ETV1: variants seen among roughly 807,000 people sequenced by gnomAD.
The protein encoded by ETV1 is ETS variant transcription factor 1.
A neutral mutation model predicts 62.3 loss-of-function variants in ETV1; 27 were observed. The ratio of observed to expected loss-of-function variants is 0.43; its 90% confidence interval spans 0.32 to 0.60. The LOEUF (loss-of-function observed/expected upper bound fraction) is 0.60. ETV1 is among the 20% of genes least tolerant of loss of function. The pLI is 0.06. For synonymous variants in ETV1, 222 were observed against 199.6 expected, an observed-to-expected ratio of 1.11 and a Z score of -0.94; for missense variants, 605 against 605.8, an observed-to-expected ratio of 1.00 and a Z score of 0.01.
chr7:13,948,826 G>A (rs542526931), intron 6 of ETV1, among the ~76,000 whole-genome samples: 2 of 152,306 alleles, frequency 1.3e-5, no homozygotes, highest in South Asian at 4.1e-4. Context: ...TAGTGACAGA[G>A]ACAGCTCAAC....
At chr7:13,953,644 A>G (rs1325904498) in intron 6 of ETV1, among the ~76,000 whole-genome samples, 1 of 150,458 alleles carries the variant, frequency 6.6e-6, no homozygotes, top group East Asian at 1.9e-4. Flanking sequence ...GTGACTATGA[A>G]GACAGGTTCT....
At chr7:13,900,141 C>T (rs1174515140) in intron 13 of ETV1, among the ~76,000 whole-genome samples, 1 of 152,098 alleles carries the variant, frequency 6.6e-6, no homozygotes, top group East Asian at 1.9e-4. Context: ...AACAAACAAA[C>T]AAACAAAAAG....
intron 8 of ETV1, among the ~76,000 whole-genome samples, chr7:13,935,231 G>A (rs574255103): frequency 1.3e-5 from 2 of 152,100 alleles, no homozygotes; most frequent in Admixed American, 1.3e-4. Flanking sequence ...TTAATCACCT[G>A]GAAAAGATGG....
intron 8 of ETV1, among the ~76,000 whole-genome samples, chr7:13,933,246 C>A (rs1786397791): frequency 6.6e-6 from 1 of 152,146 alleles, no homozygotes; most frequent in African/African-American, 2.4e-5. Context: ...TACGAGTCGA[C>A]CTGATTCCAG....
At position 13,939,134 on chromosome 7, in the gene ETV1, C is replaced by T; in HGVS notation, c.348G>A (p.Lys116=). Reference sequence around the variant, plus strand: ...GGCTTTACCTGACATTGTACAGGCACTTTTCTCCATAGCTGAATTTAAAGG... The same window carrying T: ...GGCTTTACCTGACATTGTACAGGCATTTTTCTCCATAGCTGAATTTAAAGG... ...EQPFKFSYGE[K]CLYNVSAYDQ... is the part of the protein sequence containing the mutation. Residue 116 remains lysine (K), a synonymous_variant, in exon 7 of 14, where the codon AAG becomes AAA. Transcript: ENST00000430479. 1 of 1,613,130 alleles carries T rather than the reference C, an allele frequency of 6.2e-7. No individual in the cohort carries two copies. The highest frequency in any genetic ancestry group is 1.1e-5 in the South Asian group (1 of 90,898).
intron 8 of ETV1, among the ~76,000 whole-genome samples, chr7:13,934,109 T>C (rs79412876): frequency 1.4e-3 from 216 of 152,312 alleles, no homozygotes; most frequent in Non-Finnish European, 2.5e-3. Flanking sequence ...CTCTGCACAA[T>C]GTCCATCTGT....
At chr7:13,910,302 A>G (rs1300570827) in intron 10 of ETV1, among the ~76,000 whole-genome samples, 1 of 149,740 alleles carries the variant, frequency 6.7e-6, no homozygotes, top group Non-Finnish European at 1.5e-5. Flanking sequence ...GCTTTTCATA[A>G]TAATGTCCTC....
At chr7:13,924,457 T>G (rs1785192063) in intron 9 of ETV1, among the ~76,000 whole-genome samples, 1 of 152,200 alleles carries the variant, frequency 6.6e-6, no homozygotes, top group South Asian at 2.1e-4. Context: ...TCTTCATAAT[T>G]TATATCGTTG....
chr7:13,987,514 CA>C (rs1201828014), intron 4 of ETV1, among the ~76,000 whole-genome samples: 1 of 152,082 alleles, frequency 6.6e-6, no homozygotes, highest in Non-Finnish European at 1.5e-5. Context: ...ACTAATTTCC[CA>C]AATAGTATTA....
Position 13,903,554 on chromosome 7 carries a change from G to A in ETV1, c.1111-2715C>T, listed in dbSNP as rs185777999. 5.6e-3 allele frequency among the ~76,000 whole-genome samples: 844 copies of A among 152,026 alleles called. 10 individuals are homozygous for A. Among genetic ancestry groups the A allele is most frequent in the African/African-American group, 0.019 (802 of 41,476 alleles). On this transcript the variant is annotated intron_variant, in intron 12 of 13. Transcript: ENST00000430479. ...GAGGTGGGCAGATCACCTGAGGTCA[G>A]GAGTTCAAGACCACCCTGGCCAACA...
intron 6 of ETV1, among the ~76,000 whole-genome samples, chr7:13,951,935 A>G (rs1015583039): frequency 6.6e-6 from 1 of 152,130 alleles, no homozygotes; most frequent in Non-Finnish European, 1.5e-5. Flanking sequence ...AGACTCAAGG[A>G]TGTACACTGA....
In ETV1 at chr7:13,931,490, G is replaced by A; in HGVS notation, c.802+12C>T. On this transcript the variant is annotated intron_variant, in intron 9 of 13. Coordinates refer to ENST00000430479, the MANE Select transcript of ETV1 (RefSeq NM_004956.5). ...GTGCCTTGAATGTAATTTGCGCAGA[G>A]CGCAGGCCTACCTGAGTCATATGCA... 3.1e-6 allele frequency: 5 copies of A among 1,613,854 alleles called. No individual in the cohort carries two copies. Among genetic ancestry groups the A allele is most frequent in the Non-Finnish European group, 4.2e-6 (5 of 1,179,802 alleles).
intron 5 of ETV1, among the ~76,000 whole-genome samples, chr7:13,984,999 A>G (rs2128511227): frequency 6.6e-6 from 1 of 152,174 alleles, no homozygotes; most frequent in East Asian, 1.9e-4. Context: ...TTAAAATTCC[A>G]GGAACAGAGT....
chr7:13,896,702 A>AAGAAAGAAAGGAGAG (rs1554288386), intron 13 of ETV1, among the ~76,000 whole-genome samples: 10 of 150,310 alleles, frequency 6.7e-5, no homozygotes, highest in Middle Eastern at 3.4e-3. Context: ...GAGAGAGAGA[A>AAGAAAGAAAGGAGAG]AGAAAGAAAG....
intron 6 of ETV1, among the ~76,000 whole-genome samples, chr7:13,964,238 A>G (rs1790514407): frequency 6.6e-6 from 1 of 152,190 alleles, no homozygotes; most frequent in South Asian, 2.1e-4. Context: ...ATTTCAGAGG[A>G]AAAGCTAACA....
At position 13,894,877 on chromosome 7, in the gene ETV1, T is replaced by C. The variant is rs1229075312; in HGVS notation, c.*989A>G. 1 of 232,694 alleles carries C rather than the reference T, an allele frequency of 4.3e-6. No individual in the cohort carries two copies. The highest frequency in any genetic ancestry group is 2.2e-5 in the African/African-American group (1 of 45,308). 14.4% of individuals were successfully genotyped at this position (232,694 alleles called of 1,614,324 possible). On this transcript the variant is annotated 3_prime_UTR_variant, in exon 14 of 14. Coordinates refer to ENST00000430479, the MANE Select transcript of ETV1 (RefSeq NM_004956.5). Reference sequence around the variant, plus strand: ...ATTACTATAGTACCTATTTAGTGTATTGGATATTTTTCTTAAAGAGTGTTT... The same window carrying C: ...ATTACTATAGTACCTATTTAGTGTACTGGATATTTTTCTTAAAGAGTGTTT...
chr7:13,907,530 G>C (rs1392334343), intron 11 of ETV1, among the ~76,000 whole-genome samples: 1 of 150,344 alleles, frequency 6.7e-6, no homozygotes, highest in Non-Finnish European at 1.5e-5. Context: ...AATCTGGTCA[G>C]TTATATTAAT....
intron 8 of ETV1, among the ~76,000 whole-genome samples, chr7:13,935,426 T>A (rs1029014417): frequency 3.5e-4 from 53 of 152,198 alleles, no homozygotes; most frequent in African/African-American, 1.3e-3. Flanking sequence ...GTGAAGCAAT[T>A]TAATTCAAGC....
intron 12 of ETV1, among the ~76,000 whole-genome samples, chr7:13,901,895 C>T (rs1347139440): frequency 6.6e-6 from 1 of 152,130 alleles, no homozygotes. Context: ...TATTATGTGG[C>T]TTTGGAGGAG....
Sources: gnomAD v4.1 joint callset for allele counts (sites outside exome capture counted in the v4.1 genomes callset) on GRCh38, gnomAD v4.1.1 for gene constraint, MANE v1.5 for transcripts, NCBI Gene and HGNC (gene_info 2026-07-23, HGNC 2026-07-21) for gene names.